The following CAMK2G variants were observed in gnomAD, a reference collection of about 807,000 sequenced individuals.
CAMK2G encodes calcium/calmodulin dependent protein kinase II gamma, also known as calcium/calmodulin-dependent protein kinase type II subunit gamma.
CAMK2G carries 23 observed loss-of-function variants against 88.7 expected under a neutral mutation model. The observed-to-expected ratio is 0.26, with a 90% CI of 0.19 to 0.37. The LOEUF is 0.37. CAMK2G is among the 10% of genes least tolerant of loss of function. The pLI is 1.00. For synonymous variants in CAMK2G, 263 were observed against 294.8 expected, an observed-to-expected ratio of 0.89 and a Z score of 1.11; for missense variants, 476 against 780.8, an observed-to-expected ratio of 0.61 and a Z score of 4.65.
In CAMK2G at chr10:73,813,257, G is replaced by A. The variant is rs1404486527; in HGVS notation, c.*1261C>T. On this transcript the variant is annotated 3_prime_UTR_variant, in exon 23 of 23. Transcript: ENST00000423381. ...TGGACACCTCTTTTGGGTTACATGC[G>A]GGGAGGGGTGATGCCCATGCAGATT... 12 of 152,846 alleles carry A rather than the reference G, an allele frequency of 7.9e-5. No individual in the cohort carries two copies. Among genetic ancestry groups the A allele is most frequent in the East Asian group, 3.9e-4 (2 of 5,188 alleles). The allele number at this position is 152,846 out of a possible 1,614,324, so 9.5% of individuals were successfully genotyped here.
At chr10:73,846,735 C>T (rs1458432973) in intron 10 of CAMK2G, 2 of 153,142 alleles carry the variant, frequency 1.3e-5, no homozygotes, top group African/African-American at 2.4e-5. Flanking sequence ...TACGTCAACC[C>T]ACACTGATAG....
At position 73,839,368 on chromosome 10, in the gene CAMK2G, C is replaced by T. The variant is rs867408882; in HGVS notation, c.1009+171G>A. Reference sequence around the variant, plus strand: ...GCATGCATGGCTGGTTAGGGGGCTCCATAACAACGATGCGCTTGCAGATGC... The same window carrying T: ...GCATGCATGGCTGGTTAGGGGGCTCTATAACAACGATGCGCTTGCAGATGC... On this transcript the variant is annotated intron_variant, in intron 13 of 22. Coordinates refer to ENST00000423381, the MANE Select transcript of CAMK2G (RefSeq NM_001367534.1). The surrounding 1 kb of genome is among the most constrained non-coding windows in gnomAD (Gnocchi z 4.2). 2.0e-5 allele frequency among the ~76,000 whole-genome samples: 3 copies of T among 152,204 alleles called. No homozygotes were observed. Among genetic ancestry groups the T allele is most frequent in the East Asian group, 1.9e-4 (1 of 5,184 alleles).
chr10:73,855,478 C>T (rs1229369615), intron 3 of CAMK2G, among the ~76,000 whole-genome samples: 1 of 152,186 alleles, frequency 6.6e-6, no homozygotes, highest in South Asian at 2.1e-4. Context: ...TCAGCTCTGC[C>T]TGGGCCTGGC....
intron 10 of CAMK2G, among the ~76,000 whole-genome samples, chr10:73,845,261 T>G (rs182882536): frequency 6.6e-6 from 1 of 152,144 alleles, no homozygotes; most frequent in East Asian, 1.9e-4. Flanking sequence ...TGGCTGGAGG[T>G]TGCCAGACTC....
rs561455430 is a variant in CAMK2G at position 73,838,454 on chromosome 10, A to C, written c.1010-943T>G. Among the ~76,000 whole-genome samples the C allele has an allele frequency of 3.9e-5, 6 of 152,162 alleles. No individual in the cohort carries two copies. The East Asian group carries it at 9.6e-4, about 24-fold the overall frequency. On this transcript the variant is annotated intron_variant, in intron 13 of 22. Transcript: ENST00000423381. The stretch of plus-strand genomic sequence containing the variant: ...GGGATAAAGTAGGGCTGACATCACA[A>C]AACAGTGGTGGGAATCCAGTGGGAT...
chr10:73,833,317 G>C (rs2092749335), intron 14 of CAMK2G, among the ~76,000 whole-genome samples: 1 of 151,958 alleles, frequency 6.6e-6, no homozygotes, highest in Admixed American at 6.6e-5. Flanking sequence ...TCTGCTTTTA[G>C]CTTTTTCCTA....
intron 4 of CAMK2G, chr10:73,852,777 C>T (rs181309357): frequency 1.8e-4 from 44 of 244,410 alleles, no homozygotes; most frequent in African/African-American, 9.6e-4. Context: ...ACTTTTAAGA[C>T]ATTAAACCAC....
intron 15 of CAMK2G, among the ~76,000 whole-genome samples, chr10:73,825,696 G>A (rs1282310731): frequency 6.6e-6 from 1 of 152,184 alleles, no homozygotes; most frequent in Non-Finnish European, 1.5e-5. Flanking sequence ...GAAAAAGGGG[G>A]GTAGTTTATA....
chr10:73,850,783 A>C (rs969587115), intron 5 of CAMK2G, among the ~76,000 whole-genome samples: 34 of 152,236 alleles, frequency 2.2e-4, no homozygotes, highest in Non-Finnish European at 4.7e-4. Flanking sequence ...CTGGGGGCTG[A>C]AACTCGGGCC....
Position 73,820,527 on chromosome 10 carries a change from C to T in CAMK2G, c.1250-882G>A, listed in dbSNP as rs539523945. On this transcript the variant is annotated intron_variant, in intron 18 of 22. Transcript: ENST00000423381. Reference sequence around the variant, plus strand: ...TTTTTTTTTTCTTGAGACAGAGTCTCGCTCTGTCACCCAGGCTGGAGTGCA... The same window carrying T: ...TTTTTTTTTTCTTGAGACAGAGTCTTGCTCTGTCACCCAGGCTGGAGTGCA... 5.9e-3 allele frequency among the ~76,000 whole-genome samples: 718 copies of T among 121,804 alleles called. 7 individuals are homozygous for T. Among genetic ancestry groups the T allele is most frequent in the Middle Eastern group, 0.014 (2 of 144 alleles). The allele number at this position is 121,804 out of a possible 152,430, so 79.9% of individuals were successfully genotyped here.
intron 13 of CAMK2G, among the ~76,000 whole-genome samples, chr10:73,838,916 C>A (rs937096719): frequency 2.0e-5 from 3 of 152,212 alleles, no homozygotes; most frequent in Non-Finnish European, 4.4e-5. Flanking sequence ...AGCTGTACTG[C>A]ACAGGCAGGG....
At chr10:73,851,905 C>T (rs929599309) in intron 5 of CAMK2G, among the ~76,000 whole-genome samples, 5 of 151,866 alleles carry the variant, frequency 3.3e-5, no homozygotes, top group Admixed American at 1.3e-4. Flanking sequence ...CCACCACACC[C>T]GGCTAATTTT....
chr10:73,820,219 C>G (rs2087423026), intron 18 of CAMK2G, among the ~76,000 whole-genome samples: 1 of 151,890 alleles, frequency 6.6e-6, no homozygotes. Context: ...GGGAGCAATT[C>G]CAGGAGGCCC....
At chr10:73,841,708 A>C (rs919749115) in intron 12 of CAMK2G, 1 of 163,076 alleles carries the variant, frequency 6.1e-6, no homozygotes, top group African/African-American at 2.4e-5. Flanking sequence ...CATCTGGAAT[A>C]ATTTCTATTA....
rs764138321 is a variant in CAMK2G, at chr10:73,860,882, C to T, written c.168G>A (p.Gln56=). 1 of 1,613,400 alleles carries T rather than the reference C, an allele frequency of 6.2e-7. No homozygotes were observed. Among genetic ancestry groups the T allele is most frequent in the East Asian group, 2.2e-5 (1 of 44,872 alleles). Residue 56 remains glutamine (Q), a synonymous_variant, in exon 3 of 23, where the codon CAG becomes CAA. Transcript: ENST00000423381. The stretch of plus-strand genomic sequence containing the variant: ...ATATCCGAGCCTCACGTTCTAGTTT[C>T]TGGTGATCTAAAAGCAGAAGAGAAA... ...NTKKLSARDH[Q]KLEREARICR... is the part of the protein sequence containing the mutation.
At chr10:73,820,519 C>CAA (rs1326821840) in intron 18 of CAMK2G, among the ~76,000 whole-genome samples, 1 of 100,426 alleles carries the variant, frequency 1.0e-5, no homozygotes, top group African/African-American at 4.1e-5. Context: ...TTTCTTGAGA[C>CAA]AGAGTCTCGC....
rs1292081917 is a variant in CAMK2G, at chr10:73,842,359, C to T, written c.903+99G>A. The T allele has an allele frequency of 4.2e-6, 5 of 1,179,272 alleles. No homozygotes were observed. In the Admixed American group the frequency reaches 8.5e-5, roughly 20 times the overall value. The allele number at this position is 1,179,272 out of a possible 1,614,324, so 73.1% of individuals were successfully genotyped here. On this transcript the variant is annotated intron_variant, in intron 11 of 22. Transcript: ENST00000423381. The surrounding 1 kb of genome is among the most constrained non-coding windows in gnomAD (Gnocchi z 4.6). ...GACATGTACAACCTTCAGAGCCCAG[C>T]TCCAGCCAGGAGGGGAGCTTCCTTC...
chr10:73,849,428 G>A, intron 5 of CAMK2G, 95 bp from the exon 6 acceptor site: 1 of 809,174 alleles, frequency 1.2e-6, no homozygotes, highest in Admixed American at 2.1e-5. Context: ...ATGTGACAAG[G>A]GGCCACGGAT....
intron 10 of CAMK2G, chr10:73,846,728 G>A (rs1346596260): frequency 2.0e-5 from 3 of 152,794 alleles, no homozygotes; most frequent in African/African-American, 4.8e-5. Flanking sequence ...AACAGAGTAC[G>A]TCAACCCACA....
Sources: allele counts gnomAD v4.1 joint callset (sites outside exome capture counted in the v4.1 genomes callset), GRCh38; gene constraint gnomAD v4.1.1; non-coding constraint Gnocchi (gnomAD v3.1); transcripts MANE v1.5; gene names NCBI Gene and HGNC (gene_info 2026-07-23, HGNC 2026-07-21).